CDH12: variants seen among roughly 807,000 people sequenced by gnomAD.
CDH12 encodes cadherin 12.
A neutral mutation model predicts 74.1 loss-of-function variants in CDH12; 41 were observed. The ratio of observed to expected loss-of-function variants is 0.55; its 90% CI spans 0.43 to 0.72. The LOEUF (loss-of-function observed/expected upper bound fraction) is 0.72, where lower values mean the gene tolerates loss of function less well. Among genes scored for constraint, CDH12 ranks in the 30% least tolerant of loss-of-function variants. The pLI, the probability that CDH12 is intolerant of heterozygous loss-of-function variation, is 0.00. For missense variants in CDH12, 945 were observed against 977.2 expected, an observed-to-expected ratio of 0.97 and a Z score of 0.44; for synonymous variants, 399 against 355.0, an observed-to-expected ratio of 1.12 and a Z score of -1.39.
At chr5:22,383,712 C>T (rs912577318) in intron 3 of CDH12, among the ~76,000 whole-genome samples, 26 of 152,152 alleles carry the variant, frequency 1.7e-4, no homozygotes, top group Non-Finnish European at 3.5e-4. Flanking sequence ...TGGCATAAAT[C>T]AACCAAACAA....
chr5:21,981,624 C>T (rs1205465416), intron 5 of CDH12, among the ~76,000 whole-genome samples: 3 of 152,170 alleles, frequency 2.0e-5, no homozygotes, highest in Non-Finnish European at 2.9e-5. Flanking sequence ...CCCCGTCCCC[C>T]ACCAGCTTCC....
At chr5:22,219,023 T>C (rs1751920741) in intron 3 of CDH12, among the ~76,000 whole-genome samples, 1 of 151,744 alleles carries the variant, frequency 6.6e-6, no homozygotes, top group African/African-American at 2.4e-5. Flanking sequence ...AGTAAAATTT[T>C]ATATAGGGAA....
At chr5:22,454,440 A>G (rs955691188) in intron 2 of CDH12, among the ~76,000 whole-genome samples, 3 of 152,104 alleles carry the variant, frequency 2.0e-5, no homozygotes, top group Non-Finnish European at 4.4e-5. Context: ...AGGCTGCTGT[A>G]TCAAGACACC....
intron 1 of CDH12, among the ~76,000 whole-genome samples, chr5:22,529,737 G>T (rs1039797174): frequency 6.6e-6 from 1 of 152,166 alleles, no homozygotes; most frequent in African/African-American, 2.4e-5. Context: ...CTTTAGACTG[G>T]GGCAAGGCAT....
intron 5 of CDH12, among the ~76,000 whole-genome samples, chr5:21,983,266 A>G (rs1468095815): frequency 6.6e-6 from 1 of 151,938 alleles, no homozygotes; most frequent in Non-Finnish European, 1.5e-5. Flanking sequence ...ATTGGAAATC[A>G]TTTCTCTTCA....
intron 1 of CDH12, among the ~76,000 whole-genome samples, chr5:22,515,004 T>C (rs184133872): frequency 9.9e-5 from 15 of 152,272 alleles, no homozygotes. Context: ...GTTTAAATAA[T>C]TGCATTTTAA....
intron 13 of CDH12, among the ~76,000 whole-genome samples, chr5:21,757,340 G>A (rs775410596): frequency 3.0e-4 from 45 of 151,796 alleles, no homozygotes; most frequent in Non-Finnish European, 3.1e-4. Flanking sequence ...CACGCCCAGC[G>A]AATTTTTGTA....
chr5:22,628,880 T>C (rs553313369), intron 1 of CDH12, among the ~76,000 whole-genome samples: 6 of 149,550 alleles, frequency 4.0e-5, no homozygotes, highest in African/African-American at 9.8e-5. Flanking sequence ...AGAGAGAATA[T>C]CCAAATGAAT....
intron 2 of CDH12, among the ~76,000 whole-genome samples, chr5:22,441,921 C>T (rs952740339): frequency 2.0e-5 from 3 of 152,056 alleles, no homozygotes; most frequent in Admixed American, 6.6e-5. Context: ...CCAGGTTGTT[C>T]TCAAACTCCT....
At chr5:22,770,705 G>T (rs1296966017) in intron 1 of CDH12, among the ~76,000 whole-genome samples, 1 of 152,062 alleles carries the variant, frequency 6.6e-6, no homozygotes, top group African/African-American at 2.4e-5. Context: ...GTATTTTGTA[G>T]TGTTATTATC....
At chr5:21,760,504 GC>G (rs1186690237) in intron 13 of CDH12, 53 bp downstream of exon 13, 2 of 837,756 alleles carry the variant, frequency 2.4e-6, no homozygotes, top group Non-Finnish European at 4.1e-6. Flanking sequence ...CTCCCTTTGT[GC>G]CTTTTTACAA....
In CDH12 at chr5:22,475,035, T is replaced by C. The variant is rs2126612066; in HGVS notation, c.-428+30235A>G. Among the ~76,000 whole-genome samples, 5 of 151,158 alleles carry C rather than the reference T, an allele frequency of 3.3e-5. 2 individuals are homozygous for C. In the South Asian group the frequency reaches 1.1e-3, roughly 32 times the overall value. Reference sequence around the variant, plus strand: ...CAAAATCCTGGAAGCAAGTCCTGAATGGTTGACTAGAGGGGGTGTTTGCAT... The same window carrying C: ...CAAAATCCTGGAAGCAAGTCCTGAACGGTTGACTAGAGGGGGTGTTTGCAT... On this transcript the variant is annotated intron_variant, in intron 2 of 14. Coordinates refer to ENST00000382254, the MANE Select transcript of CDH12 (RefSeq NM_004061.5).
chr5:22,567,507 T>C (rs1739343836), intron 1 of CDH12, among the ~76,000 whole-genome samples: 1 of 152,178 alleles, frequency 6.6e-6, no homozygotes, highest in African/African-American at 2.4e-5. Context: ...GAATCACATG[T>C]AGTTTAGGGC....
chr5:22,295,500 C>A (rs1737580255), intron 3 of CDH12, among the ~76,000 whole-genome samples: 1 of 152,026 alleles, frequency 6.6e-6, no homozygotes, highest in Non-Finnish European at 1.5e-5. Flanking sequence ...TCTAGAAAAA[C>A]CACACTTAGT....
intron 6 of CDH12, among the ~76,000 whole-genome samples, chr5:21,893,642 A>G (rs1479693159): frequency 1.3e-5 from 2 of 152,234 alleles, no homozygotes; most frequent in Non-Finnish European, 2.9e-5. Context: ...CTGCAAAATG[A>G]CATGAGTGAA....
At chr5:22,433,353 G>A (rs890723835) in intron 2 of CDH12, among the ~76,000 whole-genome samples, 3 of 152,080 alleles carry the variant, frequency 2.0e-5, no homozygotes, top group African/African-American at 7.2e-5. Flanking sequence ...AATGGGTACT[G>A]ATAAAAGTTT....
intron 5 of CDH12, among the ~76,000 whole-genome samples, chr5:22,019,053 G>C (rs60269175): frequency 0.43 from 54,503 of 126,004 alleles, 13,094 homozygotes; most frequent in African/African-American, 0.72. Context: ...GAGCAAGACT[G>C]TGTCTCAAAA....
chr5:22,488,173 A>G (rs200507382), intron 2 of CDH12, among the ~76,000 whole-genome samples: 1 of 152,336 alleles, frequency 6.6e-6, no homozygotes, highest in East Asian at 1.9e-4. Flanking sequence ...CTGACAGCTA[A>G]GTAAGTCTTC....
intron 2 of CDH12, among the ~76,000 whole-genome samples, chr5:22,458,018 C>G (rs1049849063): frequency 1.3e-5 from 2 of 152,114 alleles, no homozygotes; most frequent in African/African-American, 4.8e-5. Context: ...GCTGGGATTA[C>G]AGGCATCAGC....
Sources: gnomAD v4.1 joint callset for allele counts (sites outside exome capture counted in the v4.1 genomes callset) on GRCh38, gnomAD v4.1.1 for gene constraint, MANE v1.5 for transcripts, NCBI Gene and HGNC (gene_info 2026-07-23, HGNC 2026-07-21) for gene names.